LYN: variants seen among roughly 807,000 people sequenced by gnomAD.
LYN encodes tyrosine-protein kinase Lyn.
A neutral mutation model predicts 65.0 loss-of-function variants in LYN; 12 were observed. The ratio of observed to expected loss-of-function variants is 0.18; its 90% CI spans 0.12 to 0.30. The LOEUF is 0.30. LYN is among the 10% of genes least tolerant of loss of function. The pLI is 1.00. For synonymous variants in LYN, 222 were observed against 221.2 expected (o/e 1.00, Z -0.03); for missense variants, 380 against 623.2 (o/e 0.61, Z 4.16).
intron 1 of LYN, among the ~76,000 whole-genome samples, chr8:55,887,252 C>G (rs900219858): frequency 1.3e-5 from 2 of 152,036 alleles, no homozygotes; most frequent in East Asian, 1.9e-4. Flanking sequence ...CTCAGGAGCT[C>G]GAAATCAGCC....
At position 56,013,049 on chromosome 8, in the gene LYN, G is replaced by A. The variant is rs1808858497; in HGVS notation, c.*2939G>A. On this transcript the variant is annotated 3_prime_UTR_variant, in exon 13 of 13. Coordinates refer to ENST00000519728, the MANE Select transcript of LYN (RefSeq NM_002350.4). ...TCCCCTTGCAGAAAGTACTTCTGAT[G>A]AGCCACTGGGAACGTGTACTGTCCA... The A allele has an allele frequency of 6.6e-6, 1 of 152,198 alleles. No homozygotes were observed. The highest frequency in any genetic ancestry group is 2.1e-4 in the South Asian group (1 of 4,822). 9.4% of individuals were successfully genotyped at this position (152,198 alleles called of 1,614,324 possible). A position where few individuals can be genotyped will look rare whatever the true frequency, so the allele number is the denominator to read the frequency against.
chr8:56,011,942 G>T lies in LYN; in HGVS notation c.*1832G>T. ...AGAGGAACTATAAAGAATCCCTAAG[G>T]CAAAAAGAAGTCTCTAGAAAATGAC... is the stretch of plus-strand genomic sequence containing the variant. On this transcript the variant is annotated 3_prime_UTR_variant, in exon 13 of 13. Coordinates refer to ENST00000519728, the MANE Select transcript of LYN (RefSeq NM_002350.4). The T allele has an allele frequency of 5.3e-6, 1 of 187,020 alleles. No homozygotes were observed. The highest frequency in any genetic ancestry group is 8.6e-5 in the East Asian group (1 of 11,688). The allele number at this position is 187,020 out of a possible 1,614,324, so 11.6% of individuals were successfully genotyped here. A position where few individuals can be genotyped will look rare whatever the true frequency, so the allele number is the denominator to read the frequency against.
At chr8:55,899,737 CCT>C (rs1805209050) in intron 1 of LYN, among the ~76,000 whole-genome samples, 1 of 152,144 alleles carries the variant, frequency 6.6e-6, no homozygotes, top group Non-Finnish European at 1.5e-5. Flanking sequence ...GCAACCTCTG[CCT>C]CCTGGGTTCA....
chr8:55,986,232 A>G (rs1002042884), intron 10 of LYN, among the ~76,000 whole-genome samples: 4 of 149,166 alleles, frequency 2.7e-5, no homozygotes, highest in African/African-American at 9.8e-5. Flanking sequence ...CTAAGGGAGT[A>G]GTCATGGCAT....
chr8:55,955,893 A>G (rs1037630624), intron 8 of LYN, among the ~76,000 whole-genome samples: 4 of 152,246 alleles, frequency 2.6e-5, no homozygotes, highest in African/African-American at 4.8e-5. Context: ...TTGCATGACT[A>G]TAACAGAGTT....
intron 8 of LYN, among the ~76,000 whole-genome samples, chr8:55,959,159 T>C (rs1807204576): frequency 6.6e-6 from 1 of 152,208 alleles, no homozygotes; most frequent in South Asian, 2.1e-4. Context: ...TGTTGGCTGG[T>C]TGGCTTTTGT....
At chr8:55,953,297 C>A (rs1466735852) in intron 7 of LYN, among the ~76,000 whole-genome samples, 1 of 152,148 alleles carries the variant, frequency 6.6e-6, no homozygotes, top group African/African-American at 2.4e-5. Flanking sequence ...TGTTTTTGTT[C>A]ATGTATGTTA....
At chr8:55,975,841 C>T (rs1242346019) in intron 10 of LYN, among the ~76,000 whole-genome samples, 1 of 150,044 alleles carries the variant, frequency 6.7e-6, no homozygotes, top group Non-Finnish European at 1.5e-5. Flanking sequence ...GGCTGTTTTG[C>T]ATATTTAAGC....
chr8:55,972,026 G>A (rs1050427184), intron 10 of LYN, among the ~76,000 whole-genome samples: 4 of 152,116 alleles, frequency 2.6e-5, no homozygotes, highest in Non-Finnish European at 4.4e-5. Flanking sequence ...AATCAAGGTC[G>A]GCACCAGTGG....
chr8:55,891,516 G>T (rs1407685919), intron 1 of LYN, among the ~76,000 whole-genome samples: 1 of 152,134 alleles, frequency 6.6e-6, no homozygotes, highest in Non-Finnish European at 1.5e-5. Context: ...AAATAGAATG[G>T]TGTCTTCCAG....
chr8:55,948,026 T>G (rs1042963465), intron 4 of LYN, among the ~76,000 whole-genome samples: 3 of 152,116 alleles, frequency 2.0e-5, no homozygotes, highest in African/African-American at 4.8e-5. Flanking sequence ...CAGGCTAGAA[T>G]GCAGTGGCAT....
chr8:55,942,058 C>G (rs971353396), intron 2 of LYN, 67 bp downstream of exon 2: 1 of 1,545,800 alleles, frequency 6.5e-7, no homozygotes, highest in African/African-American at 1.4e-5. Flanking sequence ...AATTTAAACA[C>G]CAGTCTGTAA....
chr8:56,008,202 T>A (rs1808726527), intron 12 of LYN, among the ~76,000 whole-genome samples: 1 of 152,138 alleles, frequency 6.6e-6, no homozygotes, highest in Non-Finnish European at 1.5e-5. Flanking sequence ...AAATTGTTGA[T>A]CCCAAATGCG....
At chr8:55,923,829 G>A (rs1174468263) in intron 1 of LYN, among the ~76,000 whole-genome samples, 8 of 151,874 alleles carry the variant, frequency 5.3e-5, no homozygotes, top group South Asian at 4.2e-4. Context: ...GTGAGCCACC[G>A]CGCCCGGCCA....
Position 55,886,757 on chromosome 8 carries a change from T to C in LYN, c.-6+6654T>C, listed in dbSNP as rs150694790. Among the ~76,000 whole-genome samples the C allele has an allele frequency of 5.7e-4, 87 of 152,340 alleles. 1 individual carries two copies. The highest frequency in any genetic ancestry group is 2.0e-3 in the African/African-American group (82 of 41,580). On this transcript the variant is annotated intron_variant, in intron 1 of 12. Transcript: ENST00000519728. ...AGAGTTTGTTTGTTCTGATGCATAA[T>C]AGATATACATAGTTTCAGGGCACAT...
intron 3 of LYN, 149 bp from the exon 4 acceptor site, chr8:55,947,469 C>G (rs1806812091): frequency 4.7e-6 from 3 of 637,686 alleles, no homozygotes; most frequent in Non-Finnish European, 8.5e-6. Flanking sequence ...GTGGGCCGTG[C>G]AGACCCTGAG....
At chr8:55,976,904 G>T (rs772408565) in intron 10 of LYN, among the ~76,000 whole-genome samples, 1 of 152,164 alleles carries the variant, frequency 6.6e-6, no homozygotes, top group Non-Finnish European at 1.5e-5. Flanking sequence ...AGGAAACTAG[G>T]CCGAGCACAG....
intron 1 of LYN, among the ~76,000 whole-genome samples, chr8:55,891,352 CA>C (rs113888818): frequency 0.032 from 3,053 of 96,312 alleles, 98 homozygotes; most frequent in African/African-American, 0.099. Context: ...AACTCCGGCT[CA>C]AAAAAAAAAA....
chr8:55,934,763 A>C (rs963301418), intron 1 of LYN, among the ~76,000 whole-genome samples: 7 of 152,058 alleles, frequency 4.6e-5, no homozygotes, highest in Admixed American at 3.3e-4. Context: ...AGCTAGTCTT[A>C]AACCCACTTC....
Sources: allele counts gnomAD v4.1 joint callset (sites outside exome capture counted in the v4.1 genomes callset), GRCh38; gene constraint gnomAD v4.1.1; transcripts MANE v1.5; gene names NCBI Gene and HGNC (gene_info 2026-07-23, HGNC 2026-07-21).